The following ZFHX3 variants were observed in gnomAD, a reference collection of about 807,000 sequenced individuals.
ZFHX3 encodes the protein zinc finger homeobox protein 3.
A neutral mutation model predicts 279.1 loss-of-function variants in ZFHX3; 42 were observed. The ratio of observed to expected loss-of-function variants is 0.15; its 90% CI spans 0.12 to 0.19. ZFHX3 has a LOEUF of 0.19. Among genes scored for constraint, ZFHX3 ranks in the 10% least tolerant of loss-of-function variants. The pLI is 1.00. For synonymous variants in ZFHX3, 2,293 were observed against 1,957.8 expected (o/e 1.17, Z -4.52); for missense variants, 4,981 against 4,754.0 (o/e 1.05, Z -1.40).
intron 2 of ZFHX3, among the ~76,000 whole-genome samples, chr16:73,624,826 T>TGA (rs1164195632): frequency 1.3e-5 from 2 of 152,166 alleles, no homozygotes; most frequent in Admixed American, 6.5e-5. Flanking sequence ...CTCCAGGTAG[T>TGA]GAGGCCAGAT....
intron 2 of ZFHX3, among the ~76,000 whole-genome samples, chr16:73,660,626 G>C (rs1176598226): frequency 6.6e-6 from 1 of 151,892 alleles, no homozygotes; most frequent in African/African-American, 2.4e-5. Context: ...TGGCTCATAA[G>C]GGATACTACA....
intron 3 of ZFHX3, among the ~76,000 whole-genome samples, chr16:73,343,357 T>C (rs774470517): frequency 1.3e-5 from 2 of 152,224 alleles, no homozygotes; most frequent in African/African-American, 2.4e-5. Flanking sequence ...TTTGGAGAGA[T>C]GGCTGAATTC....
chr16:72,976,319 C>T (rs564723043), intron 1 of ZFHX3, among the ~76,000 whole-genome samples: 2 of 152,262 alleles, frequency 1.3e-5, no homozygotes, highest in Non-Finnish European at 1.5e-5. Flanking sequence ...TGGTAAGATT[C>T]GGGGAATCAA....
intron 6 of ZFHX3, among the ~76,000 whole-genome samples, chr16:73,140,029 A>G (rs1966842886): frequency 6.6e-6 from 1 of 152,152 alleles, no homozygotes; most frequent in Non-Finnish European, 1.5e-5. Flanking sequence ...GCGCCTTGGG[A>G]GGCCACGGTG....
chr16:73,569,457 T>C (rs2051712789), intron 2 of ZFHX3, among the ~76,000 whole-genome samples: 1 of 151,716 alleles, frequency 6.6e-6, no homozygotes, highest in Non-Finnish European at 1.5e-5. Context: ...TTAACATAAA[T>C]GCTGAAATCA....
intron 4 of ZFHX3, among the ~76,000 whole-genome samples, chr16:73,271,470 G>T (rs1008494596): frequency 7.2e-5 from 11 of 152,172 alleles, no homozygotes; most frequent in Non-Finnish European, 1.5e-4. Flanking sequence ...AGAGCTTGGG[G>T]CAGATGCTTG....
intron 2 of ZFHX3, among the ~76,000 whole-genome samples, chr16:73,574,704 T>C (rs998730999): frequency 6.6e-6 from 1 of 152,200 alleles, no homozygotes; most frequent in African/African-American, 2.4e-5. Context: ...CTCTGTTTTC[T>C]GCATCTTAGT....
In ZFHX3 at chr16:73,245,121, C is replaced by T. The variant is rs559525602; in HGVS notation, c.-1104+11926G>A. On this transcript the variant is annotated intron_variant, in intron 5 of 17. Transcript: ENST00000641206. ...TGGACAATGATAACTAATTTAGAACCTTGCGCTTACATTTCCCCCAAAACT... is the reference window on the plus strand; with the variant it reads ...TGGACAATGATAACTAATTTAGAACTTTGCGCTTACATTTCCCCCAAAACT... 4.6e-5 allele frequency among the ~76,000 whole-genome samples: 7 copies of T among 152,276 alleles called. No individual in the cohort carries two copies. In the East Asian group the frequency reaches 1.2e-3, roughly 25 times the overall value.
chr16:73,686,443 G>A (rs1473193554), intron 1 of ZFHX3, among the ~76,000 whole-genome samples: 1 of 152,184 alleles, frequency 6.6e-6, no homozygotes, highest in African/African-American at 2.4e-5. Flanking sequence ...GAAGTATCAT[G>A]AGTTGGGTGT....
chr16:73,798,828 T>A (rs1260704564), intron 1 of ZFHX3, among the ~76,000 whole-genome samples: 1 of 152,300 alleles, frequency 6.6e-6, no homozygotes, highest in East Asian at 1.9e-4. Flanking sequence ...ATGGGACGTG[T>A]TTGGAGGGGG....
intron 3 of ZFHX3, among the ~76,000 whole-genome samples, chr16:73,332,856 CAT>C (rs1231645263): frequency 1.3e-5 from 2 of 152,184 alleles, no homozygotes; most frequent in African/African-American, 4.8e-5. Flanking sequence ...GAAACTGAGA[CAT>C]AGTGAAGACT....
chr16:73,670,621 A>G (rs997166483), intron 2 of ZFHX3, among the ~76,000 whole-genome samples: 44 of 152,228 alleles, frequency 2.9e-4, no homozygotes, highest in African/African-American at 1.0e-3. Flanking sequence ...ACTGCAGGAA[A>G]AAACAATAGG....
rs540510599 is a variant in ZFHX3, at chr16:73,181,256, A to C, written c.-1103-37425T>G. On this transcript the variant is annotated intron_variant, in intron 5 of 17. Transcript: ENST00000641206. ...GCTGGGATTACAGGCACACGCCAGCATGCCCAGCTAATTTTTGTATTTTTA... is the reference window on the plus strand; with the variant it reads ...GCTGGGATTACAGGCACACGCCAGCCTGCCCAGCTAATTTTTGTATTTTTA... Among the ~76,000 whole-genome samples the C allele has an allele frequency of 2.6e-3, 399 of 152,250 alleles. 1 individual carries two copies. Among genetic ancestry groups the C allele is most frequent in the African/African-American group, 9.1e-3 (378 of 41,546 alleles).
chr16:73,337,556 T>C (rs1348485956), intron 3 of ZFHX3, among the ~76,000 whole-genome samples: 1 of 152,112 alleles, frequency 6.6e-6, no homozygotes, highest in Non-Finnish European at 1.5e-5. Flanking sequence ...TCACCTTGCA[T>C]AGCACATCTG....
intron 7 of ZFHX3, chr16:72,809,445 C>T (rs1426581476): frequency 1.3e-5 from 2 of 152,188 alleles, no homozygotes; most frequent in African/African-American, 4.8e-5. Flanking sequence ...CAGAAACCCA[C>T]TGGTCCACAG....
intron 1 of ZFHX3, among the ~76,000 whole-genome samples, chr16:73,025,355 T>TG (rs564227660): frequency 6.6e-6 from 1 of 152,070 alleles, no homozygotes; most frequent in Non-Finnish European, 1.5e-5. Context: ...GACACCATGG[T>TG]GGTTTGCAGA....
At chr16:73,188,420 C>A (rs967824188) in intron 5 of ZFHX3, among the ~76,000 whole-genome samples, 8 of 152,174 alleles carry the variant, frequency 5.3e-5, no homozygotes, top group African/African-American at 1.7e-4. Context: ...GGAGAAAGAA[C>A]CTTGCCAATA....
At chr16:73,662,909 C>G (rs1555531029) in intron 2 of ZFHX3, among the ~76,000 whole-genome samples, 1 of 151,946 alleles carries the variant, frequency 6.6e-6, no homozygotes, top group African/African-American at 2.4e-5. Context: ...GCTTTTTTTT[C>G]TTCTTCTTTA....
intron 2 of ZFHX3, among the ~76,000 whole-genome samples, chr16:73,599,504 T>C (rs1231072106): frequency 6.6e-6 from 1 of 152,216 alleles, no homozygotes; most frequent in Non-Finnish European, 1.5e-5. Flanking sequence ...CAGGGCTCCA[T>C]GCCACTGCAC....
Sources: gnomAD v4.1 joint callset for allele counts (sites outside exome capture counted in the v4.1 genomes callset) on GRCh38, gnomAD v4.1.1 for gene constraint, MANE v1.5 for transcripts, NCBI Gene and HGNC (gene_info 2026-07-23, HGNC 2026-07-21) for gene names.